Variants in SAMD12 observed in about 807,000 individuals in gnomAD.
SAMD12 encodes the protein sterile alpha motif domain-containing protein 12.
SAMD12 carries 9 observed loss-of-function variants against 15.0 expected under a neutral mutation model. The ratio of observed to expected loss-of-function variants is 0.60; its 90% CI spans 0.36 to 1.05. SAMD12 has a LOEUF of 1.05. Ranked by LOEUF, SAMD12 falls within the 50% of genes least tolerant of loss-of-function variation. The probability of loss-of-function intolerance (pLI) is 0.01; values close to 1 mark genes in which losing one functional copy is unlikely to be tolerated. For synonymous variants in SAMD12, 86 were observed against 90.1 expected (o/e 0.96, Z 0.25); for missense variants, 230 against 234.2 (o/e 0.98, Z 0.12).
intron 4 of SAMD12, among the ~76,000 whole-genome samples, chr8:118,322,909 C>T (rs1816360068): frequency 6.6e-6 from 1 of 151,008 alleles, no homozygotes; most frequent in African/African-American, 2.5e-5. Context: ...GTGGCAGAGA[C>T]TGCTACTCAC....
chr8:118,442,861 T>C (rs1482105358), intron 2 of SAMD12, among the ~76,000 whole-genome samples: 2 of 152,232 alleles, frequency 1.3e-5, no homozygotes, highest in Admixed American at 6.5e-5. Context: ...AAGTTGCTTA[T>C]ACATCAATAT....
chr8:118,191,801 TATATATATATAGAG>T (rs1563686596), exon 5 of SAMD12: 3 of 36,492 alleles, frequency 8.2e-5, no homozygotes, highest in African/African-American at 1.1e-4. Flanking sequence ...TATATATATA[TATATATATATAGAG>T]AGAGAGAGAG....
chr8:118,435,662 T>C (rs1822558179), intron 3 of SAMD12, among the ~76,000 whole-genome samples: 1 of 152,212 alleles, frequency 6.6e-6, no homozygotes, highest in African/African-American at 2.4e-5. Context: ...TTTAAAGTTC[T>C]TCAAATAAAC....
chr8:118,159,345 C>A, the SAMD12 span, among the ~76,000 whole-genome samples: 1 of 152,292 alleles, frequency 6.6e-6, no homozygotes, highest in East Asian at 1.9e-4. Flanking sequence ...GACCTGCCTG[C>A]CCCACCACAG....
intron 4 of SAMD12, among the ~76,000 whole-genome samples, chr8:118,209,750 A>AACCTTATT (rs2129811733): frequency 6.6e-6 from 1 of 152,314 alleles, no homozygotes; most frequent in South Asian, 2.1e-4. Context: ...GTGGGGCTTA[A>AACCTTATT]ACCTTATTTA....
intron 4 of SAMD12, among the ~76,000 whole-genome samples, chr8:118,211,721 T>C (rs1418039020): frequency 1.3e-5 from 2 of 152,054 alleles, no homozygotes; most frequent in African/African-American, 4.8e-5. Context: ...CTGAACAGGA[T>C]TGCGAGGGAG....
intron 3 of SAMD12, among the ~76,000 whole-genome samples, chr8:118,421,781 T>C (rs994099260): frequency 3.3e-5 from 5 of 152,132 alleles, no homozygotes; most frequent in African/African-American, 1.2e-4. Flanking sequence ...CGACAATCAC[T>C]CTTGGCACTG....
At chr8:118,550,656 A>G (rs1158087158) in intron 2 of SAMD12, among the ~76,000 whole-genome samples, 1 of 152,122 alleles carries the variant, frequency 6.6e-6, no homozygotes, top group Non-Finnish European at 1.5e-5. Context: ...TCATAATGAC[A>G]GGTTCAAATT....
chr8:118,383,353 T>A (rs889983134), intron 3 of SAMD12, among the ~76,000 whole-genome samples: 1 of 152,038 alleles, frequency 6.6e-6, no homozygotes, highest in Non-Finnish European at 1.5e-5. Flanking sequence ...CAGAACAGGG[T>A]GATCTAACCT....
chr8:118,382,026 C>T (rs975723039), intron 3 of SAMD12, among the ~76,000 whole-genome samples: 2 of 152,206 alleles, frequency 1.3e-5, no homozygotes, highest in African/African-American at 2.4e-5. Flanking sequence ...GCTCTGCTCA[C>T]TGTCAGACCT....
At chr8:118,308,968 G>T (rs1045401657) in intron 4 of SAMD12, among the ~76,000 whole-genome samples, 1 of 152,124 alleles carries the variant, frequency 6.6e-6, no homozygotes, top group Admixed American at 6.6e-5. Flanking sequence ...TCAAGGATAA[G>T]ATCTTTCTTG....
the SAMD12 span, among the ~76,000 whole-genome samples, chr8:118,148,831 G>A: frequency 2.0e-5 from 3 of 152,130 alleles, no homozygotes; most frequent in Admixed American, 2.0e-4. Context: ...ATGTTTTTGA[G>A]CTTTACCCAT....
chr8:118,145,669 A>C, the SAMD12 span, among the ~76,000 whole-genome samples: 2 of 152,214 alleles, frequency 1.3e-5, no homozygotes, highest in African/African-American at 4.8e-5. Flanking sequence ...GGGATTGGAC[A>C]AGGGAATCCT....
chr8:118,421,214 T>C (rs1310650830), intron 3 of SAMD12, among the ~76,000 whole-genome samples: 2 of 152,224 alleles, frequency 1.3e-5, no homozygotes, highest in Admixed American at 6.5e-5. Context: ...AATACATAAA[T>C]GGTGCTAAAC....
At chr8:118,293,653 C>A (rs577191910) in intron 4 of SAMD12, among the ~76,000 whole-genome samples, 2 of 152,154 alleles carry the variant, frequency 1.3e-5, no homozygotes, top group South Asian at 4.2e-4. Flanking sequence ...AAATTGGAAC[C>A]AGATGTATGT....
intron 4 of SAMD12, among the ~76,000 whole-genome samples, chr8:118,279,905 T>G (rs1342321907): frequency 6.6e-6 from 1 of 152,202 alleles, no homozygotes; most frequent in African/African-American, 2.4e-5. Context: ...GTAGGTCACT[T>G]GAGTTCAGAC....
At chr8:118,204,132 C>A (rs1819794743) in intron 4 of SAMD12, among the ~76,000 whole-genome samples, 1 of 152,072 alleles carries the variant, frequency 6.6e-6, no homozygotes, top group South Asian at 2.1e-4. Flanking sequence ...TAAATCATTT[C>A]TAACTTTTAG....
At chr8:118,248,801 C>G (rs1463363914) in intron 4 of SAMD12, among the ~76,000 whole-genome samples, 1 of 152,144 alleles carries the variant, frequency 6.6e-6, no homozygotes, top group African/African-American at 2.4e-5. Context: ...ACTCAACTCT[C>G]TAAAACAAAT....
chr8:118,154,634 A>G, the SAMD12 span, among the ~76,000 whole-genome samples: 3 of 152,250 alleles, frequency 2.0e-5, no homozygotes, highest in African/African-American at 4.8e-5. Context: ...GGTGTTCTAT[A>G]GAGCTCATAC....
Sources: allele counts gnomAD v4.1 joint callset (sites outside exome capture counted in the v4.1 genomes callset), GRCh38; gene constraint gnomAD v4.1.1; transcripts MANE v1.5; gene names NCBI Gene and HGNC (gene_info 2026-07-23, HGNC 2026-07-21).